The following CSMD1 variants were observed in gnomAD, a reference collection of about 807,000 sequenced individuals.
The protein encoded by CSMD1 is CUB and sushi domain-containing protein 1.
CSMD1 carries 213 observed loss-of-function variants against 417.5 expected under a neutral mutation model. That is an observed-to-expected ratio of 0.51 (90% CI 0.46 to 0.57). The LOEUF (loss-of-function observed/expected upper bound fraction) is 0.57. CSMD1 is among the 20% of genes least tolerant of loss of function. The pLI, the probability that CSMD1 is intolerant of heterozygous loss-of-function variation, is 0.00. For missense variants in CSMD1, 6,923 were observed against 4,529.7 expected, an observed-to-expected ratio of 1.53 and a Z score of -15.17; for synonymous variants, 2,862 against 1,736.8, an observed-to-expected ratio of 1.65 and a Z score of -16.11.
At chr8:3,111,341 G>A (rs761863934) in intron 42 of CSMD1, among the ~76,000 whole-genome samples, 1 of 148,980 alleles carries the variant, frequency 6.7e-6, no homozygotes, top group Middle Eastern at 3.5e-3. Flanking sequence ...TGGAGATTTG[G>A]ATCTTTTCAT....
intron 3 of CSMD1, among the ~76,000 whole-genome samples, chr8:4,162,250 T>C (rs1376362945): frequency 1.3e-5 from 2 of 152,252 alleles, no homozygotes; most frequent in Non-Finnish European, 1.5e-5. Context: ...AGAAACATTC[T>C]GCAATAAAAT....
intron 56 of CSMD1, among the ~76,000 whole-genome samples, chr8:2,974,112 A>ATGATGGTAGAGGT (rs1804710746): frequency 6.8e-6 from 1 of 147,462 alleles, no homozygotes; most frequent in Non-Finnish European, 1.5e-5. Flanking sequence ...ATGGTAGAGG[A>ATGATGGTAGAGGT]TGATGGTAGA....
At chr8:4,609,526 A>G (rs993881096) in intron 2 of CSMD1, among the ~76,000 whole-genome samples, 1 of 152,220 alleles carries the variant, frequency 6.6e-6, no homozygotes, top group East Asian at 1.9e-4. Context: ...AAACAACACT[A>G]TGCTTTCTTT....
chr8:3,987,701 C>T (rs764373349), intron 5 of CSMD1, among the ~76,000 whole-genome samples: 2 of 152,148 alleles, frequency 1.3e-5, no homozygotes, highest in Non-Finnish European at 2.9e-5. Context: ...CAGGAAACTG[C>T]AAGGTGGAAC....
Position 3,967,344 on chromosome 8 carries a change from G to A in CSMD1, c.818+30559C>T, listed in dbSNP as rs572985040. ...AATGATGGTACGGCTTCTCCATTCC[G>A]ACCCTGAACTTGTAAACATGGAACT... On this transcript the variant is annotated intron_variant, in intron 5 of 69. Coordinates refer to ENST00000635120, the MANE Select transcript of CSMD1 (RefSeq NM_033225.6). Among the ~76,000 whole-genome samples, 50 of 151,792 alleles carry A rather than the reference G, an allele frequency of 3.3e-4. 1 individual carries two copies. Among genetic ancestry groups the A allele is most frequent in the Non-Finnish European group, 6.3e-4 (43 of 67,978 alleles).
intron 25 of CSMD1, among the ~76,000 whole-genome samples, chr8:3,298,180 C>T: frequency 6.6e-6 from 1 of 152,114 alleles, no homozygotes; most frequent in East Asian, 1.9e-4. Flanking sequence ...ACTGATAGCA[C>T]CTAATACTGT....
chr8:4,808,176 G>A (rs529557569), intron 1 of CSMD1, among the ~76,000 whole-genome samples: 9 of 152,276 alleles, frequency 5.9e-5, no homozygotes, highest in East Asian at 3.9e-4. Flanking sequence ...CACAGAGGGC[G>A]GCAGGCAGAT....
In CSMD1 at chr8:3,748,714, G is replaced by C. The variant is rs147656005; in HGVS notation, c.931+5216C>G. 2.8e-4 allele frequency among the ~76,000 whole-genome samples: 42 copies of C among 152,264 alleles called. No homozygotes were observed. In the East Asian group the frequency reaches 6.2e-3, roughly 22 times the overall value. On this transcript the variant is annotated intron_variant, in intron 6 of 69. Coordinates refer to ENST00000635120, the MANE Select transcript of CSMD1 (RefSeq NM_033225.6). Reference sequence around the variant, plus strand: ...TTTTATCCAAATTAGAATTAACCTGGGAACATGGGGCTTTCAATAACTCAA... The same window carrying C: ...TTTTATCCAAATTAGAATTAACCTGCGAACATGGGGCTTTCAATAACTCAA...
At chr8:3,826,724 G>T (rs147593863) in intron 5 of CSMD1, among the ~76,000 whole-genome samples, 63 of 152,268 alleles carry the variant, frequency 4.1e-4, no homozygotes, top group African/African-American at 1.5e-3. Context: ...CAAAGAAAGA[G>T]TTTGTACTGA....
chr8:4,613,357 C>A (rs1165582929), intron 2 of CSMD1, among the ~76,000 whole-genome samples: 1 of 152,156 alleles, frequency 6.6e-6, no homozygotes, highest in Admixed American at 6.5e-5. Flanking sequence ...TCATTCTCAC[C>A]TCCACACTGG....
At chr8:3,362,975 G>T (rs771540093) in intron 20 of CSMD1, among the ~76,000 whole-genome samples, 3 of 152,128 alleles carry the variant, frequency 2.0e-5, no homozygotes, top group Non-Finnish European at 2.9e-5. Flanking sequence ...CCATCCAATG[G>T]CTTCATGCAA....
intron 2 of CSMD1, among the ~76,000 whole-genome samples, chr8:4,575,470 C>G (rs569401657): frequency 1.6e-4 from 24 of 152,128 alleles, no homozygotes; most frequent in Non-Finnish European, 2.6e-4. Context: ...TTTCTCTGAA[C>G]GTTATCTGAA....
In CSMD1 at chr8:3,806,237, C is replaced by G. The variant is rs150298669; in HGVS notation, c.819-52195G>C. ...TTTCTTCCTCTCAGATTATGGAGTA[C>G]ATGCAGGTTGTTTTCACAGTAGGAT... On this transcript the variant is annotated intron_variant, in intron 5 of 69. Coordinates refer to ENST00000635120, the MANE Select transcript of CSMD1 (RefSeq NM_033225.6). Among the ~76,000 whole-genome samples, 157 of 152,226 alleles carry G rather than the reference C, an allele frequency of 1.0e-3. 1 individual carries two copies. The highest frequency in any genetic ancestry group is 3.6e-3 in the African/African-American group (151 of 41,544).
At position 3,474,354 on chromosome 8, in the gene CSMD1, T is replaced by C. The variant is rs1029145262; in HGVS notation, c.1449-5530A>G. On this transcript the variant is annotated intron_variant, in intron 11 of 69. Coordinates refer to ENST00000635120, the MANE Select transcript of CSMD1 (RefSeq NM_033225.6). ...CTCAGGGAGCTGTCACATGTGTAAATGTTTTTGACCTCTCTCGGGGGAAGA... is the reference window on the plus strand; with the variant it reads ...CTCAGGGAGCTGTCACATGTGTAAACGTTTTTGACCTCTCTCGGGGGAAGA... 6.6e-5 allele frequency among the ~76,000 whole-genome samples: 10 copies of C among 152,216 alleles called. No homozygotes were observed. In the East Asian group the frequency reaches 1.2e-3, roughly 18 times the overall value.
At chr8:3,191,615 T>C (rs1004286124) in intron 33 of CSMD1, among the ~76,000 whole-genome samples, 13 of 152,136 alleles carry the variant, frequency 8.5e-5, no homozygotes, top group African/African-American at 3.1e-4. Context: ...TAGTGGGTAC[T>C]GACAGGTAAG....
At chr8:4,394,762 C>T (rs1804086999) in intron 3 of CSMD1, among the ~76,000 whole-genome samples, 2 of 152,140 alleles carry the variant, frequency 1.3e-5, no homozygotes, top group South Asian at 4.1e-4. Context: ...TAATCAGATC[C>T]ATCTGCACCT....
rs890773157 is a variant in CSMD1 at position 4,895,131 on chromosome 8, C to G, written c.85+99201G>C. ...ATTAAAGAGTTTTCACTCAAAAATA[C>G]ATTTGATTTACATTCGCTTCTGTAC... On this transcript the variant is annotated intron_variant, in intron 1 of 69. Transcript: ENST00000635120. Among the ~76,000 whole-genome samples, 64 of 152,168 alleles carry G rather than the reference C, an allele frequency of 4.2e-4. 1 individual carries two copies. The highest frequency in any genetic ancestry group is 1.3e-4 in the Admixed American group (2 of 15,284).
At chr8:4,122,841 C>A (rs573123049) in intron 3 of CSMD1, among the ~76,000 whole-genome samples, 5 of 152,152 alleles carry the variant, frequency 3.3e-5, no homozygotes, top group African/African-American at 9.7e-5. Context: ...ACAGAGTTCA[C>A]AGAGAACAGA....
chr8:3,584,707 C>T (rs1374216184), intron 9 of CSMD1, among the ~76,000 whole-genome samples: 1 of 152,130 alleles, frequency 6.6e-6, no homozygotes, highest in East Asian at 1.9e-4. Flanking sequence ...TAAAAGAATG[C>T]ACATTTACTA....
Sources: allele counts gnomAD v4.1 joint callset (sites outside exome capture counted in the v4.1 genomes callset), GRCh38; gene constraint gnomAD v4.1.1; transcripts MANE v1.5; gene names NCBI Gene and HGNC (gene_info 2026-07-23, HGNC 2026-07-21).